Variants in VWA8 observed in about 807,000 individuals in gnomAD.
VWA8 encodes von Willebrand factor A domain-containing protein 8.
VWA8 carries 221 observed loss-of-function variants against 241.5 expected under a neutral mutation model. The observed-to-expected ratio is 0.91, with a 90% CI of 0.82 to 1.02. The LOEUF (loss-of-function observed/expected upper bound fraction) is 1.02, where lower values mean the gene tolerates loss of function less well. Ranked by LOEUF, VWA8 falls within the 50% of genes least tolerant of loss-of-function variation. The pLI is 0.00. For missense variants in VWA8, 2,322 were observed against 2,328.7 expected (o/e 1.00, Z 0.06); for synonymous variants, 852 against 827.1 (o/e 1.03, Z -0.52).
chr13:41,698,822 T>C (rs1173570821), intron 29 of VWA8, among the ~76,000 whole-genome samples: 1 of 152,184 alleles, frequency 6.6e-6, no homozygotes, highest in Non-Finnish European at 1.5e-5. Flanking sequence ...TGACCTCAGA[T>C]GTCAATAGTG....
At chr13:41,959,888 G>A (rs949014233) in intron 1 of VWA8, among the ~76,000 whole-genome samples, 3 of 152,168 alleles carry the variant, frequency 2.0e-5, no homozygotes, top group Non-Finnish European at 4.4e-5. Flanking sequence ...GATTACAGGC[G>A]TGAGCCACCG....
At chr13:41,626,024 T>C (rs1023603632) in intron 37 of VWA8, among the ~76,000 whole-genome samples, 9 of 139,642 alleles carry the variant, frequency 6.4e-5, no homozygotes, top group Admixed American at 4.0e-4. Context: ...TAGGTGGGAA[T>C]TGAACAATGA....
At chr13:41,582,930 A>G (rs1348865739) in intron 42 of VWA8, among the ~76,000 whole-genome samples, 1 of 152,154 alleles carries the variant, frequency 6.6e-6, no homozygotes, top group African/African-American at 2.4e-5. Context: ...GCGTGCACCA[A>G]TCACCTATAT....
intron 12 of VWA8, among the ~76,000 whole-genome samples, chr13:41,862,547 A>G (rs1230664801): frequency 6.6e-6 from 1 of 152,226 alleles, no homozygotes; most frequent in African/African-American, 2.4e-5. Flanking sequence ...AACTATGCAT[A>G]TGACAAGGGT....
chr13:41,636,408 C>T (rs1288493172), intron 37 of VWA8, among the ~76,000 whole-genome samples: 6 of 152,140 alleles, frequency 3.9e-5, no homozygotes, highest in Admixed American at 2.6e-4. Flanking sequence ...CTTCCTTACA[C>T]CTTGTACAAA....
intron 23 of VWA8, 87 bp from the exon 24 acceptor site, chr13:41,727,400 T>C (rs2045445630): frequency 1.9e-6 from 2 of 1,045,546 alleles, no homozygotes; most frequent in African/African-American, 3.3e-5. Context: ...ACATAAATAG[T>C]TATACTGTTC....
intron 22 of VWA8, 124 bp downstream of exon 22, chr13:41,731,956 G>T: frequency 1.3e-6 from 1 of 749,086 alleles, no homozygotes; most frequent in Non-Finnish European, 2.1e-6. Context: ...TCTCAGGTAT[G>T]TCTTTATAAG....
At chr13:41,607,910 T>C (rs2044562935) in intron 39 of VWA8, among the ~76,000 whole-genome samples, 1 of 152,114 alleles carries the variant, frequency 6.6e-6, no homozygotes, top group African/African-American at 2.4e-5. Flanking sequence ...ATAATGAACA[T>C]ACGTCTCAAA....
At chr13:41,950,214 C>T (rs1385372222) in intron 1 of VWA8, among the ~76,000 whole-genome samples, 1 of 150,410 alleles carries the variant, frequency 6.6e-6, no homozygotes, top group African/African-American at 2.4e-5. Flanking sequence ...CAGTGCAATT[C>T]ACATTTTAAA....
chr13:41,727,657 T>C (rs1281807369), intron 23 of VWA8, among the ~76,000 whole-genome samples: 1 of 152,108 alleles, frequency 6.6e-6, no homozygotes, highest in African/African-American at 2.4e-5. Flanking sequence ...TAGAAATCCA[T>C]AATAAGGGAG....
chr13:41,878,834 T>C (rs1430875438), intron 9 of VWA8, among the ~76,000 whole-genome samples: 1 of 152,214 alleles, frequency 6.6e-6, no homozygotes, highest in Non-Finnish European at 1.5e-5. Context: ...TATAACTTTA[T>C]AATAAATTTG....
At chr13:41,592,998 C>T (rs1344705248) in intron 40 of VWA8, among the ~76,000 whole-genome samples, 1 of 152,162 alleles carries the variant, frequency 6.6e-6, no homozygotes, top group Non-Finnish European at 1.5e-5. Context: ...ATATGGACAA[C>T]TTAGTCCACT....
intron 40 of VWA8, among the ~76,000 whole-genome samples, chr13:41,596,163 T>C (rs2044486865): frequency 6.6e-6 from 1 of 152,152 alleles, no homozygotes; most frequent in Non-Finnish European, 1.5e-5. Context: ...TATCAGCCTT[T>C]TGAGTCAAAA....
chr13:41,874,502 T>C (rs989968990), intron 9 of VWA8, among the ~76,000 whole-genome samples: 5 of 152,018 alleles, frequency 3.3e-5, no homozygotes, highest in Admixed American at 2.6e-4. Flanking sequence ...GGATACAAAA[T>C]CAATGTGCAA....
chr13:41,682,746 AAAAC>A (rs1323469536), intron 35 of VWA8, among the ~76,000 whole-genome samples: 2 of 152,204 alleles, frequency 1.3e-5, no homozygotes, highest in African/African-American at 2.4e-5. Context: ...ACCTTGTCTC[AAAAC>A]AAACAAACAA....
In VWA8 at chr13:41,754,178, T is replaced by A. The variant is rs2045676556; in HGVS notation, c.2426+6950A>T. 2.6e-5 allele frequency among the ~76,000 whole-genome samples: 4 copies of A among 152,158 alleles called. No individual in the cohort carries two copies. The South Asian group carries it at 8.3e-4, about 32-fold the overall frequency. ...GCTGTGAACCCATCCAAATCTCATC[T>A]TGAACTCCCACATGTTGCGGGAGGG... On this transcript the variant is annotated intron_variant, in intron 21 of 44. Transcript: ENST00000379310.
At chr13:41,746,842 T>A (rs1194788466) in intron 21 of VWA8, among the ~76,000 whole-genome samples, 1 of 152,224 alleles carries the variant, frequency 6.6e-6, no homozygotes, top group Admixed American at 6.5e-5. Flanking sequence ...TCAAGTATTA[T>A]AGTATATATA....
At position 41,570,619 on chromosome 13, in the gene VWA8, C is replaced by CTTCT. The variant is rs1189958657; in HGVS notation, c.5454_5457dup (p.Glu1820ArgfsTer4). The stretch of plus-strand genomic sequence containing the variant: ...ACTATGACAAAGTACTCATCAGCTT[C>CTTCT]TTCTTTGACAATTTCCTTGATGGCA... On this transcript the variant is annotated frameshift_variant, in exon 44 of 45. Transcript: ENST00000379310. LOFTEE classifies it high-confidence loss of function. 1.9e-6 allele frequency: 3 copies of CTTCT among 1,614,104 alleles called. No homozygotes were observed. The African/African-American group carries it at 4.0e-5, about 22-fold the overall frequency.
intron 12 of VWA8, among the ~76,000 whole-genome samples, chr13:41,842,667 T>C (rs1872113052): frequency 6.6e-6 from 1 of 152,172 alleles, no homozygotes; most frequent in African/African-American, 2.4e-5. Context: ...AGATGCAAAA[T>C]TAAATATAAA....
Sources: gnomAD v4.1 joint callset for allele counts (sites outside exome capture counted in the v4.1 genomes callset) on GRCh38, gnomAD v4.1.1 for gene constraint, MANE v1.5 for transcripts, NCBI Gene and HGNC (gene_info 2026-07-23, HGNC 2026-07-21) for gene names.